Variants in TNS3 observed in about 807,000 individuals in gnomAD.
TNS3 encodes tensin-3.
TNS3 carries 45 observed loss-of-function variants against 140.9 expected under a neutral mutation model. The ratio of observed to expected loss-of-function variants is 0.32; its 90% CI spans 0.25 to 0.41. The LOEUF (loss-of-function observed/expected upper bound fraction) is 0.41, where lower values mean the gene tolerates loss of function less well. Among genes scored for constraint, TNS3 ranks in the 10% least tolerant of loss-of-function variants. The pLI is 1.00. For missense variants in TNS3, 1,716 were observed against 1,906.7 expected, an observed-to-expected ratio of 0.90 and a Z score of 1.86; for synonymous variants, 815 against 788.4, an observed-to-expected ratio of 1.03 and a Z score of -0.56.
chr7:47,387,074 C>A (rs1342142709), intron 16 of TNS3, among the ~76,000 whole-genome samples: 1 of 152,222 alleles, frequency 6.6e-6, no homozygotes. Flanking sequence ...CAACTGAATG[C>A]ATGTTTAACA....
intron 16 of TNS3, among the ~76,000 whole-genome samples, chr7:47,394,833 G>C (rs1004500836): frequency 6.6e-6 from 1 of 152,254 alleles, no homozygotes; most frequent in African/African-American, 2.4e-5. Context: ...CCAGCTTTCA[G>C]TTCCCTGGTT....
chr7:47,335,696 A>G (rs866182352), intron 20 of TNS3, among the ~76,000 whole-genome samples: 3 of 152,180 alleles, frequency 2.0e-5, no homozygotes, highest in Middle Eastern at 3.2e-3. Flanking sequence ...CTGTTCTCCT[A>G]ACAGCATCAG....
intron 10 of TNS3, 119 bp downstream of exon 10, chr7:47,423,982 G>C: frequency 9.9e-7 from 1 of 1,005,872 alleles, no homozygotes. Flanking sequence ...TCTTTGGCAT[G>C]ACCCAAGAAT....
intron 16 of TNS3, among the ~76,000 whole-genome samples, chr7:47,383,231 T>C (rs993650748): frequency 6.6e-6 from 1 of 152,014 alleles, no homozygotes; most frequent in Non-Finnish European, 1.5e-5. Context: ...ACCACAGCCA[T>C]GAAAGGATGG....
intron 4 of TNS3, among the ~76,000 whole-genome samples, chr7:47,480,900 C>T (rs1797390979): frequency 6.6e-6 from 1 of 152,240 alleles, no homozygotes; most frequent in African/African-American, 2.4e-5. Flanking sequence ...AGCGGATCCT[C>T]TTCTCTAAAA....
intron 5 of TNS3, among the ~76,000 whole-genome samples, chr7:47,440,365 G>A (rs1799378): frequency 0.28 from 41,957 of 152,070 alleles, 6,517 homozygotes; most frequent in Non-Finnish European, 0.34. Flanking sequence ...ATGGGGCCCC[G>A]CTGGGACCCC....
intron 1 of TNS3, among the ~76,000 whole-genome samples, chr7:47,536,397 T>A (rs934712624): frequency 9.9e-5 from 15 of 151,954 alleles, no homozygotes; most frequent in Non-Finnish European, 1.8e-4. Flanking sequence ...CTCTGTTTAA[T>A]TCAAACACCG....
chr7:47,319,110 C>G (rs1304400635), intron 20 of TNS3, among the ~76,000 whole-genome samples: 2 of 152,214 alleles, frequency 1.3e-5, no homozygotes, highest in African/African-American at 2.4e-5. Context: ...TCATTTTGTC[C>G]TACAACCACT....
intron 17 of TNS3, among the ~76,000 whole-genome samples, chr7:47,358,344 G>T (rs1263159704): frequency 2.6e-5 from 4 of 152,056 alleles, no homozygotes; most frequent in Non-Finnish European, 4.4e-5. Flanking sequence ...TCATCATATT[G>T]GCCAGGCTAG....
intron 17 of TNS3, among the ~76,000 whole-genome samples, chr7:47,357,448 C>A (rs1373259270): frequency 6.6e-6 from 1 of 152,160 alleles, no homozygotes; most frequent in Non-Finnish European, 1.5e-5. Flanking sequence ...GACAAGGATG[C>A]CCCAACACTC....
In TNS3 at chr7:47,395,855, A is replaced by C. The variant is rs559845584; in HGVS notation, c.1024+945T>G. Among the ~76,000 whole-genome samples, 8 of 152,294 alleles carry C rather than the reference A, an allele frequency of 5.3e-5. No homozygotes were observed. In the East Asian group the frequency reaches 7.7e-4, roughly 15 times the overall value. ...ATTCCTTGAGTTGAAATTCCATCCCACAAGGCCTATGAAGGAGCAAGCTTT... is the reference window on the plus strand; with the variant it reads ...ATTCCTTGAGTTGAAATTCCATCCCCCAAGGCCTATGAAGGAGCAAGCTTT... On this transcript the variant is annotated intron_variant, in intron 16 of 30. Transcript: ENST00000311160.
intron 9 of TNS3, among the ~76,000 whole-genome samples, chr7:47,428,032 G>C (rs1324646710): frequency 6.6e-6 from 1 of 152,080 alleles, no homozygotes; most frequent in Non-Finnish European, 1.5e-5. Flanking sequence ...CTCTATTAAA[G>C]AACAAGGGAC....
At chr7:47,456,162 A>T (rs373802777) in intron 4 of TNS3, among the ~76,000 whole-genome samples, 11 of 152,206 alleles carry the variant, frequency 7.2e-5, no homozygotes, top group African/African-American at 2.7e-4. Context: ...CATAGGTGGA[A>T]ATGTCAGGCC....
chr7:47,370,842 G>A (rs1391847288), intron 16 of TNS3, among the ~76,000 whole-genome samples: 1 of 152,240 alleles, frequency 6.6e-6, no homozygotes. Context: ...CCTGGCCCAG[G>A]AGCCCTCTGG....
chr7:47,537,369 C>T (rs1380551457), intron 1 of TNS3, among the ~76,000 whole-genome samples: 1 of 152,086 alleles, frequency 6.6e-6, no homozygotes, highest in Non-Finnish European at 1.5e-5. Flanking sequence ...CGCACGGTCC[C>T]GCACGGCGTC....
intron 2 of TNS3, among the ~76,000 whole-genome samples, chr7:47,517,562 C>A (rs1457867088): frequency 6.6e-6 from 1 of 152,220 alleles, no homozygotes; most frequent in Non-Finnish European, 1.5e-5. Context: ...CTTAATTCCA[C>A]CAGTATTCAT....
intron 3 of TNS3, among the ~76,000 whole-genome samples, chr7:47,483,435 C>T (rs926988207): frequency 2.0e-5 from 3 of 152,202 alleles, no homozygotes; most frequent in Non-Finnish European, 1.5e-5. Context: ...TCCCAAAGTA[C>T]TGGGATTACA....
intron 1 of TNS3, among the ~76,000 whole-genome samples, chr7:47,576,710 G>A (rs1584870924): frequency 6.6e-6 from 1 of 152,200 alleles, no homozygotes; most frequent in South Asian, 2.1e-4. Context: ...TCTCCTGCCC[G>A]CCTGCCCTGC....
intron 4 of TNS3, among the ~76,000 whole-genome samples, chr7:47,455,656 C>T (rs1395533516): frequency 1.3e-5 from 2 of 152,162 alleles, no homozygotes; most frequent in African/African-American, 4.8e-5. Context: ...CCTGGAGGTG[C>T]TGGATAAGTA....
Sources: gnomAD v4.1 joint callset for allele counts (sites outside exome capture counted in the v4.1 genomes callset) on GRCh38, gnomAD v4.1.1 for gene constraint, MANE v1.5 for transcripts, NCBI Gene and HGNC (gene_info 2026-07-23, HGNC 2026-07-21) for gene names.